Variants in DPF2 observed in about 807,000 individuals in gnomAD.
DPF2 encodes the protein double PHD fingers 2, also known as zinc finger protein ubi-d4.
In DPF2, 10 loss-of-function variants were observed where a neutral mutation model predicts 59.6. The observed-to-expected ratio is 0.17, with a 90% CI of 0.10 to 0.28. The LOEUF (loss-of-function observed/expected upper bound fraction) is 0.28. Among genes scored for constraint, DPF2 ranks in the 10% least tolerant of loss-of-function variants. The probability of loss-of-function intolerance (pLI) is 1.00; values close to 1 mark genes in which losing one functional copy is unlikely to be tolerated. For synonymous variants in DPF2, 189 were observed against 190.6 expected, an observed-to-expected ratio of 0.99 and a Z score of 0.07; for missense variants, 315 against 509.4, an observed-to-expected ratio of 0.62 and a Z score of 3.67.
At chr11:65,343,597 C>A in intron 4 of DPF2, 148 bp from the exon 5 acceptor site, 1 of 665,650 alleles carries the variant, frequency 1.5e-6, no homozygotes, top group Non-Finnish European at 2.6e-6. Context: ...AGGATTATAG[C>A]ATGCTTGAAA....
chr11:65,348,407 T>G lies in DPF2; in HGVS notation c.1018-443T>G, dbSNP rs112868332. 7.7e-3 allele frequency: 1,197 copies of G among 155,264 alleles called. 10 individuals are homozygous for G. The highest frequency in any genetic ancestry group is 0.024 in the African/African-American group (994 of 41,432). The allele number at this position is 155,264 out of a possible 1,614,324, so 9.6% of individuals were successfully genotyped here. A position where few individuals can be genotyped will look rare whatever the true frequency, so the allele number is the denominator to read the frequency against. ...CCAGCCTGGGCAACGTAAGGAGATC[T>G]TGTCTCTCCAAAAACATTGAAAAAT... On this transcript the variant is annotated intron_variant, in intron 9 of 10. Transcript: ENST00000528416.
In DPF2 at chr11:65,341,410, A is replaced by T; in HGVS notation, c.313A>T (p.Thr105Ser). The T allele has an allele frequency of 6.2e-7, 1 of 1,614,150 alleles. No individual in the cohort carries two copies. Among genetic ancestry groups the T allele is most frequent in the Non-Finnish European group, 8.5e-7 (1 of 1,180,022 alleles). ...GACCTTGCTTGCAGACACAGACCAG[A>T]CCCTGAAGAAGGAGGGGCTGATCTC... is the stretch of plus-strand genomic sequence containing the variant. ...FPSIKPDTDQTLKKEGLISQD... is the reference protein window; with the variant it reads ...FPSIKPDTDQSLKKEGLISQD... Residue 105 changes from threonine (T) to serine (S), a missense_variant, in exon 4 of 11, where the codon ACC (threonine) becomes TCC (serine). By Grantham distance (58) the Thr-to-Ser change is moderately conservative. This residue lies in a region of DPF2 where 228 missense variants were observed against 275.3 expected (regional missense o/e 0.83). Coordinates refer to ENST00000528416, the MANE Select transcript of DPF2 (RefSeq NM_006268.5).
At chr11:65,339,032 C>G (rs1201850898) in intron 1 of DPF2, among the ~76,000 whole-genome samples, 1 of 152,160 alleles carries the variant, frequency 6.6e-6, no homozygotes, top group South Asian at 2.1e-4. Flanking sequence ...TTTTTACTCT[C>G]AAGTCAAGTC....
chr11:65,343,619 G>A, intron 4 of DPF2, 126 bp from the exon 5 acceptor site: 1 of 781,074 alleles, frequency 1.3e-6, no homozygotes, highest in Non-Finnish European at 2.1e-6. Context: ...GCGTTGGTGA[G>A]GAATGAGGCT....
chr11:65,342,168 G>GATTTATCA (rs1854393845), intron 4 of DPF2, among the ~76,000 whole-genome samples: 2 of 151,838 alleles, frequency 1.3e-5, no homozygotes, highest in Non-Finnish European at 2.9e-5. Flanking sequence ...TCTTTACCTA[G>GATTTATCA]ATTTATCAAT....
rs1220877677 is a variant in DPF2 at position 65,341,470 on chromosome 11, A to T, written c.373A>T (p.Thr125Ser). Residue 125 changes from threonine to serine, a missense_variant, in exon 4 of 11, where the codon ACT becomes TCT. Physicochemically the swap from Thr to Ser is moderately conservative, Grantham distance 58. Transcript: ENST00000528416. ...DGSSLEALLR[T>S]DPLEKRGAPD... ...CAGTAGTTTAGAGGCTCTGTTGCGCACTGACCCCCTGGAGAAGCGAGGTGC... is the reference window on the plus strand; with the variant it reads ...CAGTAGTTTAGAGGCTCTGTTGCGCTCTGACCCCCTGGAGAAGCGAGGTGC... 1 of 1,614,234 alleles carries T rather than the reference A, an allele frequency of 6.2e-7. No individual in the cohort carries two copies. The highest frequency in any genetic ancestry group is 1.7e-5 in the Admixed American group (1 of 60,024).
chr11:65,344,271 A>G (rs1179025368), intron 6 of DPF2: 60 of 632,602 alleles, frequency 9.5e-5, no homozygotes, highest in Admixed American at 2.8e-5. Context: ...ATGCTCTGGG[A>G]AAGATTTCTG....
intron 6 of DPF2, chr11:65,344,746 G>A (rs1296482193): frequency 1.8e-6 from 2 of 1,093,830 alleles, no homozygotes; most frequent in African/African-American, 1.6e-5. Flanking sequence ...ATGGGGGTAG[G>A]AGCAGTGGAA....
At position 65,338,152 on chromosome 11, in the gene DPF2, G is replaced by A. The variant is rs575087544; in HGVS notation, c.33-2233G>A. Among the ~76,000 whole-genome samples, 4 of 151,938 alleles carry A rather than the reference G, an allele frequency of 2.6e-5. No individual in the cohort carries two copies. The East Asian group carries it at 7.7e-4, about 29-fold the overall frequency. ...TGTAGAGATGGGATCTCACTATGTT[G>A]CCCAAGCTGGTCTCTAACTCTTGGT... On this transcript the variant is annotated intron_variant, in intron 1 of 10. Transcript: ENST00000528416.
chr11:65,338,571 A>G (rs1854275204), intron 1 of DPF2, among the ~76,000 whole-genome samples: 1 of 152,232 alleles, frequency 6.6e-6, no homozygotes, highest in Non-Finnish European at 1.5e-5. Context: ...TGTGTGGTGA[A>G]GACGTGGCTG....
At chr11:65,338,845 G>A (rs1011078646) in intron 1 of DPF2, among the ~76,000 whole-genome samples, 1 of 152,056 alleles carries the variant, frequency 6.6e-6, no homozygotes, top group African/African-American at 2.4e-5. Flanking sequence ...CCCGAGTTAC[G>A]GACAGAAACC....
intron 1 of DPF2, 45 bp downstream of exon 1, chr11:65,333,963 A>G (rs2137675802): frequency 6.3e-7 from 1 of 1,590,894 alleles, no homozygotes; most frequent in Non-Finnish European, 8.6e-7. Flanking sequence ...GGTTTTGTAA[A>G]GGGCCTGGGA....
intron 9 of DPF2, chr11:65,347,868 C>T (rs1410709709): frequency 1.3e-5 from 2 of 151,796 alleles, no homozygotes; most frequent in African/African-American, 4.8e-5. Context: ...AGCTAGTTTT[C>T]AACTCCTGAC....
intron 1 of DPF2, among the ~76,000 whole-genome samples, chr11:65,336,840 C>T (rs1360787112): frequency 6.6e-6 from 1 of 150,534 alleles, no homozygotes; most frequent in Non-Finnish European, 1.5e-5. Flanking sequence ...CCTGTAATCC[C>T]AGCACTTTGG....
At chr11:65,335,853 G>GC (rs1950088137) in intron 1 of DPF2, among the ~76,000 whole-genome samples, 2 of 151,954 alleles carry the variant, frequency 1.3e-5, no homozygotes, top group African/African-American at 4.8e-5. Flanking sequence ...ACTGTTGTCG[G>GC]CCCGGGCTGG....
chr11:65,343,544 G>A, intron 4 of DPF2: 2 of 584,930 alleles, frequency 3.4e-6, no homozygotes, highest in South Asian at 2.2e-5. Flanking sequence ...ATAACGTGAA[G>A]CACAGGGGAA....
At chr11:65,346,179 AC>A in intron 8 of DPF2, 67 bp from the exon 9 acceptor site, 1 of 1,598,950 alleles carries the variant, frequency 6.3e-7, no homozygotes, top group Non-Finnish European at 8.5e-7. Flanking sequence ...AGATGTAGCC[AC>A]AGGCAGGAGC....
Position 65,340,459 on chromosome 11 carries a change from G to C in DPF2, c.107G>C (p.Ser36Thr). ...AATGCTCGCCTCTGTGCTGAGCGCA[G>C]CGTGCGCCTGCCTTTCTTGGACTCA... ...NYNARLCAER[S>T]VRLPFLDSQT... The change falls in exon 2 of 11, where the codon AGC becomes ACC. Residue 36 changes from serine to threonine, a missense_variant. Ser to Thr is a moderately conservative substitution (Grantham distance 58). This residue lies in a region of DPF2 where 228 missense variants were observed against 275.3 expected (regional missense o/e 0.83). Transcript: ENST00000528416. 1 of 1,614,278 alleles carries C rather than the reference G, an allele frequency of 6.2e-7. No individual in the cohort carries two copies. The highest frequency in any genetic ancestry group is 8.5e-7 in the Non-Finnish European group (1 of 1,180,050).
Position 65,351,791 on chromosome 11 carries a change from A to C in DPF2, c.*32A>C. 1 of 1,603,832 alleles carries C rather than the reference A, an allele frequency of 6.2e-7. No homozygotes were observed. Among genetic ancestry groups the C allele is most frequent in the East Asian group, 2.2e-5 (1 of 44,834 alleles). On this transcript the variant is annotated 3_prime_UTR_variant, in exon 11 of 11. Transcript: ENST00000528416. Reference sequence around the variant, plus strand: ...CACCCACCTGCTCCCCGACATATCTAAGGCTGTTTCTCTCCTCCACTTCAT... The same window carrying C: ...CACCCACCTGCTCCCCGACATATCTCAGGCTGTTTCTCTCCTCCACTTCAT...
Sources: allele counts gnomAD v4.1 joint callset (sites outside exome capture counted in the v4.1 genomes callset), GRCh38; gene constraint gnomAD v4.1.1; regional missense constraint gnomAD v4.1.1; transcripts MANE v1.5; gene names NCBI Gene and HGNC (gene_info 2026-07-23, HGNC 2026-07-21).